The following KLHL32 variants were observed in gnomAD, a reference collection of about 807,000 sequenced individuals.
KLHL32 encodes the protein kelch like family member 32, also known as kelch-like protein 32.
In KLHL32, 35 loss-of-function variants were observed where a neutral mutation model predicts 64.8. The ratio of observed to expected loss-of-function variants is 0.54; its 90% confidence interval spans 0.41 to 0.72. The LOEUF (loss-of-function observed/expected upper bound fraction) is 0.72, where lower values mean the gene tolerates loss of function less well. Ranked by LOEUF, KLHL32 falls within the 30% of genes least tolerant of loss-of-function variation. The probability of loss-of-function intolerance (pLI) is 0.00; values close to 1 mark genes in which losing one functional copy is unlikely to be tolerated. For missense variants in KLHL32, 589 were observed against 768.5 expected, an observed-to-expected ratio of 0.77 and a Z score of 2.76; for synonymous variants, 259 against 281.0, an observed-to-expected ratio of 0.92 and a Z score of 0.78.
intron 6 of KLHL32, among the ~76,000 whole-genome samples, chr6:97,092,389 C>G (rs999577445): frequency 6.6e-6 from 1 of 152,196 alleles, no homozygotes; most frequent in African/African-American, 2.4e-5. Context: ...GTTACCATTT[C>G]TTAAACTCAT....
intron 3 of KLHL32, among the ~76,000 whole-genome samples, chr6:97,002,438 T>G (rs953912694): frequency 6.6e-6 from 1 of 152,252 alleles, no homozygotes; most frequent in African/African-American, 2.4e-5. Flanking sequence ...CAAATATTTT[T>G]CAAACTCTAT....
intron 6 of KLHL32, among the ~76,000 whole-genome samples, chr6:97,102,452 A>G (rs928615017): frequency 6.6e-6 from 1 of 151,944 alleles, no homozygotes; most frequent in Non-Finnish European, 1.5e-5. Context: ...TATAAGCTAA[A>G]TACCTCAGTG....
intron 3 of KLHL32, among the ~76,000 whole-genome samples, chr6:97,034,388 A>G (rs1784005314): frequency 6.6e-6 from 1 of 152,154 alleles, no homozygotes; most frequent in Non-Finnish European, 1.5e-5. Context: ...TTTTTATGAC[A>G]GTACTATACT....
At chr6:97,127,358 T>A (rs751744605) in intron 7 of KLHL32, 46 bp from the exon 8 acceptor site, 3 of 1,465,090 alleles carry the variant, frequency 2.0e-6, no homozygotes, top group Non-Finnish European at 2.9e-6. Flanking sequence ...TGGAATATCC[T>A]ATTTTTTATT....
At chr6:97,055,802 A>AAAAAAAAAAAAAAAAAAAC (rs1787740318) in intron 4 of KLHL32, among the ~76,000 whole-genome samples, 1 of 125,544 alleles carries the variant, frequency 8.0e-6, no homozygotes, top group African/African-American at 3.6e-5. Flanking sequence ...TGTCTAAAAA[A>AAAAAAAAAAAAAAAAAAAC]AAAAAAAAAA....
chr6:96,991,689 C>G (rs1777893989), intron 3 of KLHL32, among the ~76,000 whole-genome samples: 1 of 152,080 alleles, frequency 6.6e-6, no homozygotes, highest in Non-Finnish European at 1.5e-5. Context: ...GCGTTCCTTC[C>G]CAAGCCGGAG....
chr6:96,964,682 A>AT (rs1266934137), intron 1 of KLHL32, among the ~76,000 whole-genome samples: 1 of 152,138 alleles, frequency 6.6e-6, no homozygotes, highest in African/African-American at 2.4e-5. Context: ...AACAAAAACA[A>AT]ATGTGTTTGC....
At chr6:97,073,352 G>A (rs149115354) in intron 5 of KLHL32, among the ~76,000 whole-genome samples, 325 of 152,200 alleles carry the variant, frequency 2.1e-3, no homozygotes, top group Middle Eastern at 3.4e-3. Context: ...TAAATGAACC[G>A]TCACTTTCTT....
chr6:96,907,907 G>T, the KLHL32 span, among the ~76,000 whole-genome samples: 1 of 152,190 alleles, frequency 6.6e-6, no homozygotes. Context: ...CTTTGTATGT[G>T]AATGACTAGT....
chr6:96,906,171 A>G, the KLHL32 span, among the ~76,000 whole-genome samples: 5 of 152,204 alleles, frequency 3.3e-5, no homozygotes, highest in African/African-American at 9.6e-5. Context: ...ACAGAAGTCT[A>G]TGACCCCCAA....
Position 97,139,294 on chromosome 6 carries a change from A to T in KLHL32, c.*12A>T. 6.2e-7 allele frequency: 1 copy of T among 1,609,828 alleles called. No homozygotes were observed. Among genetic ancestry groups the T allele is most frequent in the Non-Finnish European group, 8.5e-7 (1 of 1,177,346 alleles). On this transcript the variant is annotated 3_prime_UTR_variant, in exon 11 of 11. Coordinates refer to ENST00000369261, the MANE Select transcript of KLHL32 (RefSeq NM_052904.4). ...TTGGCACCATCTGAAAAGCCAAGCC[A>T]TCATGAACAGGAGGAAAACATAGCT...
At chr6:97,036,927 G>A (rs986482763) in intron 3 of KLHL32, among the ~76,000 whole-genome samples, 5 of 152,204 alleles carry the variant, frequency 3.3e-5, no homozygotes, top group African/African-American at 1.2e-4. Flanking sequence ...CCCCTATGGG[G>A]GGATATAGTG....
chr6:97,007,710 G>A (rs1779841217), intron 3 of KLHL32, among the ~76,000 whole-genome samples: 1 of 152,120 alleles, frequency 6.6e-6, no homozygotes, highest in Admixed American at 6.5e-5. Context: ...TATAAGGTAG[G>A]TACAGTCAAC....
At chr6:96,901,797 C>T in the KLHL32 span, among the ~76,000 whole-genome samples, 2 of 152,190 alleles carry the variant, frequency 1.3e-5, no homozygotes, top group Non-Finnish European at 2.9e-5. Flanking sequence ...TATGTGTTCT[C>T]ATCATTTAGC....
chr6:96,904,948 GTCT>G, the KLHL32 span, among the ~76,000 whole-genome samples: 1 of 152,096 alleles, frequency 6.6e-6, no homozygotes, highest in Non-Finnish European at 1.5e-5. Context: ...ACAATTCCCT[GTCT>G]TCTTTCTTCA....
chr6:96,981,822 C>T (rs1040988419), intron 3 of KLHL32, among the ~76,000 whole-genome samples: 1 of 152,088 alleles, frequency 6.6e-6, no homozygotes, highest in African/African-American at 2.4e-5. Context: ...GAAAATCATT[C>T]AGGAGCAAGT....
chr6:97,136,176 A>C (rs953957841), intron 10 of KLHL32, among the ~76,000 whole-genome samples: 1 of 152,224 alleles, frequency 6.6e-6, no homozygotes, highest in African/African-American at 2.4e-5. Context: ...TTGTTCTATT[A>C]ACATTTGGAA....
intron 3 of KLHL32, among the ~76,000 whole-genome samples, chr6:97,032,912 A>C (rs1233393117): frequency 6.6e-6 from 1 of 151,198 alleles, no homozygotes; most frequent in African/African-American, 2.4e-5. Context: ...ACTTAACTCT[A>C]AAGGCAATTT....
chr6:96,970,411 G>A (rs1774984706), intron 2 of KLHL32, among the ~76,000 whole-genome samples: 2 of 152,184 alleles, frequency 1.3e-5, no homozygotes, highest in African/African-American at 4.8e-5. Flanking sequence ...CCTGCCACAG[G>A]ATCGTAGCAT....
Sources: gnomAD v4.1 joint callset for allele counts (sites outside exome capture counted in the v4.1 genomes callset) on GRCh38, gnomAD v4.1.1 for gene constraint, MANE v1.5 for transcripts, NCBI Gene and HGNC (gene_info 2026-07-23, HGNC 2026-07-21) for gene names.